The following COL4A2 variants were observed in gnomAD, a reference collection of about 807,000 sequenced individuals.
The protein encoded by COL4A2 is collagen type IV alpha 2 chain.
In COL4A2, 99 loss-of-function variants were observed where a neutral mutation model predicts 200.2. That is an observed-to-expected ratio of 0.49 (90% CI 0.42 to 0.58). The LOEUF is 0.58. Ranked by LOEUF, COL4A2 falls within the 20% of genes least tolerant of loss-of-function variation. The pLI, the probability that COL4A2 is intolerant of heterozygous loss-of-function variation, is 0.00. For missense variants in COL4A2, 1,950 were observed against 2,314.1 expected, an observed-to-expected ratio of 0.84 and a Z score of 3.23; for synonymous variants, 897 against 900.6, an observed-to-expected ratio of 1.00 and a Z score of 0.07.
chr13:110,454,448 AGT>A (rs1292771152), intron 20 of COL4A2, among the ~76,000 whole-genome samples: 1 of 152,042 alleles, frequency 6.6e-6, no homozygotes. Context: ...ACATCTCTGA[AGT>A]GTGTGTGGTT....
chr13:110,397,275 C>T (rs1879212488), intron 4 of COL4A2, among the ~76,000 whole-genome samples: 1 of 152,198 alleles, frequency 6.6e-6, no homozygotes, highest in Non-Finnish European at 1.5e-5. Context: ...AAATACAAGT[C>T]TAACAGGGAA....
intron 3 of COL4A2, among the ~76,000 whole-genome samples, chr13:110,345,697 C>A (rs1193359141): frequency 6.6e-6 from 1 of 152,162 alleles, no homozygotes; most frequent in Admixed American, 6.5e-5. Context: ...TTTACAAAAA[C>A]ATGAAGGGTG....
intron 3 of COL4A2, among the ~76,000 whole-genome samples, chr13:110,317,390 G>A (rs184247808): frequency 1.1e-4 from 16 of 152,140 alleles, no homozygotes; most frequent in Admixed American, 3.9e-4. Context: ...ATGCTCATGC[G>A]TGTACACACA....
In COL4A2 at chr13:110,329,382, A is replaced by C. The variant is rs372116573; in HGVS notation, c.99+21259A>C. Reference sequence around the variant, plus strand: ...TGCTGCAGTGGTTCTGGAGCTGGAGAAGGAAGATAGAGCCAGCCACAGGTG... The same window carrying C: ...TGCTGCAGTGGTTCTGGAGCTGGAGCAGGAAGATAGAGCCAGCCACAGGTG... On this transcript the variant is annotated intron_variant, in intron 3 of 47. Coordinates refer to ENST00000360467, the MANE Select transcript of COL4A2 (RefSeq NM_001846.4). Among the ~76,000 whole-genome samples the C allele has an allele frequency of 1.6e-4, 25 of 152,266 alleles. 1 individual carries two copies. Among genetic ancestry groups the C allele is most frequent in the Admixed American group, 1.2e-3 (18 of 15,302 alleles).
intron 4 of COL4A2, among the ~76,000 whole-genome samples, chr13:110,381,844 G>T (rs907595426): frequency 4.6e-5 from 7 of 152,104 alleles, no homozygotes; most frequent in African/African-American, 1.2e-4. Flanking sequence ...TAAAATGGTG[G>T]TGGTGATGAT....
chr13:110,455,035 A>G (rs371574070), intron 20 of COL4A2, among the ~76,000 whole-genome samples: 1 of 151,762 alleles, frequency 6.6e-6, no homozygotes, highest in Non-Finnish European at 1.5e-5. Context: ...CTCCCTCACA[A>G]TCCTGGCGGG....
chr13:110,353,503 C>T (rs1255922154), intron 3 of COL4A2, among the ~76,000 whole-genome samples: 1 of 152,190 alleles, frequency 6.6e-6, no homozygotes, highest in Non-Finnish European at 1.5e-5. Flanking sequence ...TAGCAGTCCT[C>T]ACACTCCTCC....
chr13:110,355,808 A>T (rs9521711), intron 3 of COL4A2, among the ~76,000 whole-genome samples: 12 of 6,464 alleles, frequency 1.9e-3, no homozygotes, highest in African/African-American at 3.9e-3. Context: ...CACCTGTGTG[A>T]GTGGGGAGGG....
At chr13:110,325,946 G>T (rs961596134) in intron 3 of COL4A2, among the ~76,000 whole-genome samples, 1 of 152,082 alleles carries the variant, frequency 6.6e-6, no homozygotes, top group Non-Finnish European at 1.5e-5. Flanking sequence ...ACCAGGCCGG[G>T]CTAATTTTTT....
At chr13:110,363,805 G>A (rs1042965281) in intron 4 of COL4A2, among the ~76,000 whole-genome samples, 10 of 152,330 alleles carry the variant, frequency 6.6e-5, no homozygotes, top group Middle Eastern at 3.4e-3. Flanking sequence ...GGAGAGAATT[G>A]CGATGCCCTG....
chr13:110,424,586 C>A (rs1250356336), intron 4 of COL4A2, 148 bp from the exon 5 acceptor site: 3 of 497,368 alleles, frequency 6.0e-6, no homozygotes, highest in Admixed American at 7.4e-5. Context: ...GCTATCATGG[C>A]AGTAGATGAT....
chr13:110,456,534 G>A, intron 20 of COL4A2: 1 of 354,220 alleles, frequency 2.8e-6, no homozygotes, highest in East Asian at 7.4e-5. Flanking sequence ...TATCCCTATA[G>A]TTTAATGGAA....
At chr13:110,325,479 T>C (rs61964292) in intron 3 of COL4A2, among the ~76,000 whole-genome samples, 4,619 of 152,266 alleles carry the variant, frequency 0.03, 207 homozygotes, top group Admixed American at 0.11. Context: ...CTATTAGAGA[T>C]AAAAGCAAAG....
intron 31 of COL4A2, among the ~76,000 whole-genome samples, chr13:110,482,114 G>C (rs1322101905): frequency 6.6e-6 from 1 of 152,226 alleles, no homozygotes; most frequent in Non-Finnish European, 1.5e-5. Flanking sequence ...GGCGACATTG[G>C]TCTGACTTTC....
chr13:110,478,344 C>T (rs769078681), intron 30 of COL4A2, among the ~76,000 whole-genome samples, 180 bp downstream of exon 30: 1 of 152,204 alleles, frequency 6.6e-6, no homozygotes, highest in Non-Finnish European at 1.5e-5. Context: ...CCTGAGACAT[C>T]GGCTCATCCT....
intron 25 of COL4A2, 45 bp from the exon 26 acceptor site, chr13:110,465,958 T>C (rs373943674): frequency 8.5e-5 from 137 of 1,602,438 alleles, no homozygotes; most frequent in Non-Finnish European, 1.0e-4. Flanking sequence ...GTAACTCTTA[T>C]CTGTTTCAAA....
At chr13:110,494,111 G>A (rs546126986) in intron 39 of COL4A2, among the ~76,000 whole-genome samples, 6 of 152,122 alleles carry the variant, frequency 3.9e-5, no homozygotes, top group Non-Finnish European at 5.9e-5. Context: ...AGCACTTTCT[G>A]GCTTATTTTA....
At chr13:110,309,353 C>G (rs1213379433) in intron 3 of COL4A2, among the ~76,000 whole-genome samples, 1 of 152,164 alleles carries the variant, frequency 6.6e-6, no homozygotes, top group Non-Finnish European at 1.5e-5. Context: ...TCGTCCCAGC[C>G]CCGACTTAAG....
At position 110,401,022 on chromosome 13, in the gene COL4A2, C is replaced by T. The variant is rs58681829; in HGVS notation, c.181-23712C>T. Among the ~76,000 whole-genome samples, 400 of 152,340 alleles carry T rather than the reference C, an allele frequency of 2.6e-3. 2 individuals are homozygous for T. Among genetic ancestry groups the T allele is most frequent in the African/African-American group, 9.3e-3 (387 of 41,578 alleles). On this transcript the variant is annotated intron_variant, in intron 4 of 47. Transcript: ENST00000360467. ...CTAAGACCTTGAGAACACACCCACG[C>T]ATTTCCAACTTTTTTCCTAACCAGT...
Sources: gnomAD v4.1 joint callset for allele counts (sites outside exome capture counted in the v4.1 genomes callset) on GRCh38, gnomAD v4.1.1 for gene constraint, MANE v1.5 for transcripts, NCBI Gene and HGNC (gene_info 2026-07-23, HGNC 2026-07-21) for gene names.